The following NRG3 variants were observed in gnomAD, a reference collection of about 807,000 sequenced individuals.
NRG3 encodes the protein neuregulin 3.
A neutral mutation model predicts 66.9 loss-of-function variants in NRG3; 31 were observed. That is an observed-to-expected ratio of 0.46 (90% CI 0.35 to 0.63). The LOEUF (loss-of-function observed/expected upper bound fraction) is 0.63, where lower values mean the gene tolerates loss of function less well. Among genes scored for constraint, NRG3 ranks in the 20% least tolerant of loss-of-function variants. The probability of loss-of-function intolerance (pLI) is 0.00; values close to 1 mark genes in which losing one functional copy is unlikely to be tolerated. For synonymous variants in NRG3, 393 were observed against 359.4 expected (o/e 1.09, Z -1.06); for missense variants, 910 against 878.9 (o/e 1.04, Z -0.45).
chr10:82,051,636 G>A (rs949756505), intron 1 of NRG3, among the ~76,000 whole-genome samples: 4 of 152,132 alleles, frequency 2.6e-5, no homozygotes, highest in African/African-American at 9.7e-5. Flanking sequence ...ACAGATTGAT[G>A]TAGTTCATTT....
intron 1 of NRG3, among the ~76,000 whole-genome samples, chr10:82,050,042 T>C (rs746748955): frequency 1.3e-5 from 2 of 152,032 alleles, no homozygotes; most frequent in African/African-American, 2.4e-5. Flanking sequence ...GGTCTTCCTT[T>C]CCAGTGTTTT....
chr10:82,573,030 G>C (rs1404689314), intron 2 of NRG3, among the ~76,000 whole-genome samples: 3 of 151,928 alleles, frequency 2.0e-5, no homozygotes, highest in African/African-American at 7.2e-5. Flanking sequence ...AAAGAATATG[G>C]CATAGACTAG....
chr10:82,263,361 G>C (rs192759862), intron 1 of NRG3, among the ~76,000 whole-genome samples: 2 of 152,284 alleles, frequency 1.3e-5, no homozygotes, highest in East Asian at 1.9e-4. Context: ...CTCTGAATGA[G>C]ATTTGGAGCA....
At chr10:82,201,660 C>G (rs1337190391) in intron 1 of NRG3, among the ~76,000 whole-genome samples, 1 of 151,888 alleles carries the variant, frequency 6.6e-6, no homozygotes, top group African/African-American at 2.4e-5. Context: ...TATCTTTGCA[C>G]AAAAGCAGTC....
chr10:82,570,394 T>G (rs1250462102), intron 2 of NRG3, among the ~76,000 whole-genome samples: 1 of 151,698 alleles, frequency 6.6e-6, no homozygotes, highest in Non-Finnish European at 1.5e-5. Context: ...GATTAGTCAA[T>G]TAAATATATA....
chr10:82,344,784 T>C (rs1266075702), intron 1 of NRG3, among the ~76,000 whole-genome samples: 1 of 130,782 alleles, frequency 7.6e-6, no homozygotes, highest in Admixed American at 7.4e-5. Context: ...TATCTCATTG[T>C]GGTTTTGATT....
intron 7 of NRG3, among the ~76,000 whole-genome samples, chr10:82,976,172 C>T (rs1466742718): frequency 6.6e-6 from 1 of 152,114 alleles, no homozygotes; most frequent in Admixed American, 6.6e-5. Context: ...TCTCTTGCCT[C>T]AGCCGTCTGA....
At chr10:82,096,230 A>G (rs1034192343) in intron 1 of NRG3, among the ~76,000 whole-genome samples, 1 of 152,096 alleles carries the variant, frequency 6.6e-6, no homozygotes, top group Middle Eastern at 3.2e-3. Context: ...TAATCCCAGC[A>G]CTTTGGGAGG....
intron 1 of NRG3, among the ~76,000 whole-genome samples, chr10:82,028,131 C>A (rs1348130530): frequency 1.3e-5 from 2 of 152,022 alleles, no homozygotes; most frequent in East Asian, 3.9e-4. Flanking sequence ...GAAGTACTAC[C>A]TCTTCCTGCT....
intron 1 of NRG3, chr10:82,232,695 G>A (rs572882322): frequency 7.8e-5 from 56 of 715,112 alleles, no homozygotes; most frequent in African/African-American, 5.6e-4. Flanking sequence ...GGCTACAAGA[G>A]GAGACACAGG....
intron 2 of NRG3, among the ~76,000 whole-genome samples, chr10:82,469,043 G>T (rs750875662): frequency 1.3e-5 from 2 of 152,166 alleles, no homozygotes; most frequent in African/African-American, 2.4e-5. Flanking sequence ...TTTGTGAAAT[G>T]AATGAGCTCC....
chr10:82,930,497 T>C (rs1027949623), intron 4 of NRG3, among the ~76,000 whole-genome samples: 1 of 152,076 alleles, frequency 6.6e-6, no homozygotes, highest in East Asian at 1.9e-4. Flanking sequence ...AACCCAGCAA[T>C]AGGGTGGATA....
chr10:81,883,424 A>G (rs1471208617), intron 1 of NRG3, among the ~76,000 whole-genome samples: 1 of 152,154 alleles, frequency 6.6e-6, no homozygotes, highest in African/African-American at 2.4e-5. Flanking sequence ...TGGGCCTAAA[A>G]AGGGATCAGT....
intron 1 of NRG3, among the ~76,000 whole-genome samples, chr10:82,194,118 A>G (rs904816330): frequency 3.3e-5 from 5 of 152,204 alleles, no homozygotes; most frequent in Admixed American, 1.3e-4. Flanking sequence ...GTAAGAAGAA[A>G]GCAAAGCTGT....
chr10:82,960,621 C>G (rs1384840945), intron 6 of NRG3, among the ~76,000 whole-genome samples: 1 of 152,104 alleles, frequency 6.6e-6, no homozygotes, highest in Non-Finnish European at 1.5e-5. Flanking sequence ...CGGTTCCTGC[C>G]TTTTCTGATG....
intron 1 of NRG3, among the ~76,000 whole-genome samples, chr10:82,213,620 C>T (rs1048189376): frequency 5.3e-5 from 8 of 152,098 alleles, no homozygotes; most frequent in Admixed American, 2.6e-4. Context: ...ACTTGCTAAT[C>T]TATAATATAC....
At chr10:82,467,853 C>T (rs117655737) in intron 2 of NRG3, among the ~76,000 whole-genome samples, 2,277 of 152,188 alleles carry the variant, frequency 0.015, 20 homozygotes, top group Non-Finnish European at 0.021. Context: ...TTAAATTTAA[C>T]TTGATTTTAA....
At chr10:82,084,524 A>G (rs550342414) in intron 1 of NRG3, among the ~76,000 whole-genome samples, 5 of 146,792 alleles carry the variant, frequency 3.4e-5, no homozygotes, top group Admixed American at 3.4e-4. Flanking sequence ...TTTTGCCATC[A>G]TAGAGAACTC....
intron 1 of NRG3, among the ~76,000 whole-genome samples, chr10:82,198,727 G>A (rs1002540789): frequency 3.3e-5 from 5 of 152,096 alleles, no homozygotes; most frequent in Non-Finnish European, 7.4e-5. Context: ...GGCCGGGCAC[G>A]GTGGCTCACG....
Sources: gnomAD v4.1 joint callset for allele counts (sites outside exome capture counted in the v4.1 genomes callset) on GRCh38, gnomAD v4.1.1 for gene constraint, MANE v1.5 for transcripts, NCBI Gene and HGNC (gene_info 2026-07-23, HGNC 2026-07-21) for gene names.